The following ITSN2 variants were observed in gnomAD, a reference collection of about 807,000 sequenced individuals.
The protein encoded by ITSN2 is intersectin 2, also known as intersectin-2.
ITSN2 carries 156 observed loss-of-function variants against 243.7 expected under a neutral mutation model. The ratio of observed to expected loss-of-function variants is 0.64; its 90% confidence interval spans 0.56 to 0.73. ITSN2 has a LOEUF of 0.73. Among genes scored for constraint, ITSN2 ranks in the 30% least tolerant of loss-of-function variants. The pLI, the probability that ITSN2 is intolerant of heterozygous loss-of-function variation, is 0.00. For synonymous variants in ITSN2, 703 were observed against 699.9 expected, an observed-to-expected ratio of 1.00 and a Z score of -0.07; for missense variants, 1,801 against 1,996.1, an observed-to-expected ratio of 0.90 and a Z score of 1.86.
rs536257226 is a variant in ITSN2 at position 24,204,522 on chromosome 2, C to G, written c.4763-104G>C. On this transcript the variant is annotated intron_variant, in intron 38 of 39. Coordinates refer to ENST00000355123, the MANE Select transcript of ITSN2 (RefSeq NM_006277.3). The surrounding 1 kb of genome is among the most constrained non-coding windows in gnomAD (Gnocchi z 5.1). The stretch of plus-strand genomic sequence containing the variant: ...AGCAGGATTCCAATAATGGGTCACT[C>G]GAGACCATGGCAGCAGGAGCCGCTG... 2.8e-6 allele frequency: 3 copies of G among 1,054,954 alleles called. No homozygotes were observed. Among genetic ancestry groups the G allele is most frequent in the South Asian group, 2.5e-5 (2 of 78,494 alleles). 65.3% of individuals were successfully genotyped at this position (1,054,954 alleles called of 1,614,324 possible).
intron 15 of ITSN2, among the ~76,000 whole-genome samples, chr2:24,287,617 C>T (rs1392379454): frequency 6.6e-6 from 1 of 152,010 alleles, no homozygotes; most frequent in African/African-American, 2.4e-5. Flanking sequence ...AACCTTCATA[C>T]TGTTTTCCTT....
At chr2:24,308,144 A>C (rs190181002) in intron 8 of ITSN2, among the ~76,000 whole-genome samples, 157 of 152,348 alleles carry the variant, frequency 1.0e-3, no homozygotes, top group Non-Finnish European at 1.9e-3. Flanking sequence ...CAAATGTTTT[A>C]CAGTGAACTA....
At chr2:24,252,227 C>T (rs1674433042) in intron 25 of ITSN2, 118 bp downstream of exon 25, 1 of 760,278 alleles carries the variant, frequency 1.3e-6, no homozygotes, top group African/African-American at 1.8e-5. Flanking sequence ...AAACCATAAA[C>T]ATGATCTCTA....
chr2:24,297,347 G>T (rs1006918453), intron 13 of ITSN2, among the ~76,000 whole-genome samples: 8 of 152,108 alleles, frequency 5.3e-5, no homozygotes, highest in Non-Finnish European at 1.2e-4. Flanking sequence ...TAGGGTTGTG[G>T]CAGAATAGTG....
At chr2:24,279,055 T>C (rs1274670414) in intron 17 of ITSN2, among the ~76,000 whole-genome samples, 1 of 152,214 alleles carries the variant, frequency 6.6e-6, no homozygotes, top group Non-Finnish European at 1.5e-5. Flanking sequence ...CATAAATGGA[T>C]ATTAAATTTT....
chr2:24,316,409 T>A (rs1280757423), intron 2 of ITSN2, among the ~76,000 whole-genome samples: 3 of 152,148 alleles, frequency 2.0e-5, no homozygotes, highest in Non-Finnish European at 2.9e-5. Context: ...GCCTCCCAAG[T>A]AGCTGGGACT....
At chr2:24,213,535 C>T (rs934653112) in intron 32 of ITSN2, among the ~76,000 whole-genome samples, 16 of 152,188 alleles carry the variant, frequency 1.1e-4, no homozygotes, top group African/African-American at 3.6e-4. Flanking sequence ...CTGTCACAAG[C>T]ATCTTCGTGC....
intron 15 of ITSN2, among the ~76,000 whole-genome samples, chr2:24,292,217 T>C (rs1159437836): frequency 6.6e-6 from 1 of 152,138 alleles, no homozygotes; most frequent in African/African-American, 2.4e-5. Context: ...AATAAATAAA[T>C]AGGTAACAGC....
chr2:24,290,078 G>A (rs1340421188), intron 15 of ITSN2, among the ~76,000 whole-genome samples: 3 of 152,094 alleles, frequency 2.0e-5, no homozygotes, highest in Non-Finnish European at 2.9e-5. Context: ...AGATGATCAC[G>A]TGGCTCGTAG....
intron 1 of ITSN2, among the ~76,000 whole-genome samples, chr2:24,340,641 T>C (rs548428946): frequency 6.6e-6 from 1 of 152,258 alleles, no homozygotes; most frequent in Admixed American, 6.5e-5. Context: ...TTCTGTCTGC[T>C]AAGGTACTTC....
At chr2:24,210,634 A>AT in intron 34 of ITSN2, 146 bp downstream of exon 34, 2 of 591,804 alleles carry the variant, frequency 3.4e-6, no homozygotes, top group Non-Finnish European at 5.5e-6. Context: ...AAAAAAAAAA[A>AT]GAAAAAAAAA....
At chr2:24,328,944 G>A (rs1009736378) in intron 1 of ITSN2, among the ~76,000 whole-genome samples, 7 of 152,050 alleles carry the variant, frequency 4.6e-5, no homozygotes, top group Non-Finnish European at 1.0e-4. Flanking sequence ...CTAAGAGAAG[G>A]GACTTTGGAA....
intron 1 of ITSN2, among the ~76,000 whole-genome samples, chr2:24,356,077 G>A (rs1688417968): frequency 6.6e-6 from 1 of 152,062 alleles, no homozygotes; most frequent in Non-Finnish European, 1.5e-5. Flanking sequence ...GCAGGCGCCT[G>A]TAATCCCAGC....
chr2:24,308,842 T>C, intron 7 of ITSN2, 86 bp from the exon 8 acceptor site: 1 of 858,600 alleles, frequency 1.2e-6, no homozygotes, highest in Non-Finnish European at 1.7e-6. Context: ...TTAAGAATCT[T>C]ATATACCAGG....
intron 29 of ITSN2, among the ~76,000 whole-genome samples, chr2:24,235,982 G>T (rs977091171): frequency 6.6e-6 from 1 of 152,122 alleles, no homozygotes; most frequent in Admixed American, 6.5e-5. Flanking sequence ...TTTGACCTGG[G>T]AATTCTACTC....
At chr2:24,299,784 G>A (rs954483645) in intron 12 of ITSN2, 125 bp downstream of exon 12, 3 of 763,748 alleles carry the variant, frequency 3.9e-6, no homozygotes, top group Non-Finnish European at 6.2e-6. Flanking sequence ...TATAGGGTAA[G>A]AATGAAATGA....
rs1425091731 is a variant in ITSN2 at position 24,237,351 on chromosome 2, C to A, written c.3577+8778G>T. Among the ~76,000 whole-genome samples, 7 of 57,428 alleles carry A rather than the reference C, an allele frequency of 1.2e-4. No individual in the cohort carries two copies. The Admixed American group carries it at 1.3e-3, about 11-fold the overall frequency. The allele number at this position is 57,428 out of a possible 152,430, so 37.7% of individuals were successfully genotyped here. On this transcript the variant is annotated intron_variant, in intron 29 of 39. Coordinates refer to ENST00000355123, the MANE Select transcript of ITSN2 (RefSeq NM_006277.3). Reference sequence around the variant, plus strand: ...AAAATCATGAAAATAGCAAAATAATCTCTTTCTCATATAACCTGTTTCCCA... The same window carrying A: ...AAAATCATGAAAATAGCAAAATAATATCTTTCTCATATAACCTGTTTCCCA...
intron 1 of ITSN2, among the ~76,000 whole-genome samples, chr2:24,349,332 T>C (rs1687833681): frequency 6.6e-6 from 1 of 152,152 alleles, no homozygotes; most frequent in Non-Finnish European, 1.5e-5. Flanking sequence ...CCCCCAAATA[T>C]TTCAAACCAC....
intron 9 of ITSN2, 77 bp from the exon 10 acceptor site, chr2:24,302,179 T>A (rs1681850563): frequency 1.1e-5 from 9 of 851,484 alleles, no homozygotes; most frequent in Non-Finnish European, 1.5e-5. Context: ...TCAATTTTTA[T>A]TTTACTTTTA....
Sources: gnomAD v4.1 joint callset for allele counts (sites outside exome capture counted in the v4.1 genomes callset) on GRCh38, gnomAD v4.1.1 for gene constraint, Gnocchi (gnomAD v3.1) non-coding constraint, MANE v1.5 for transcripts, NCBI Gene and HGNC (gene_info 2026-07-23, HGNC 2026-07-21) for gene names.